Variants in VWA5B1 observed in about 807,000 individuals in gnomAD.
VWA5B1 encodes von Willebrand factor A domain-containing protein 5B1.
Under a neutral mutation model 118.2 loss-of-function variants are expected in VWA5B1, and 115 were observed. The ratio of observed to expected loss-of-function variants is 0.97; its 90% CI spans 0.84 to 1.14. The LOEUF (loss-of-function observed/expected upper bound fraction) is 1.14, where lower values mean the gene tolerates loss of function less well. Ranked by LOEUF, VWA5B1 falls within the 50% of genes most tolerant of loss-of-function variation. The pLI, the probability that VWA5B1 is intolerant of heterozygous loss-of-function variation, is 0.00. For missense variants in VWA5B1, 1,596 were observed against 1,603.8 expected, an observed-to-expected ratio of 1.00 and a Z score of 0.08; for synonymous variants, 682 against 658.4, an observed-to-expected ratio of 1.04 and a Z score of -0.55.
chr1:20,328,751 A>G (rs1310546799), intron 9 of VWA5B1, among the ~76,000 whole-genome samples: 6 of 152,210 alleles, frequency 3.9e-5, no homozygotes, highest in East Asian at 3.8e-4. Context: ...TCTACAAACA[A>G]TGACAACAAC....
intron 1 of VWA5B1, among the ~76,000 whole-genome samples, chr1:20,295,838 CTG>C (rs1163289502): frequency 6.6e-6 from 1 of 152,164 alleles, no homozygotes; most frequent in African/African-American, 2.4e-5. Flanking sequence ...TAATCATTAT[CTG>C]TGACCCCATA....
At chr1:20,346,610 A>T (rs940395562) in intron 17 of VWA5B1, among the ~76,000 whole-genome samples, 1 of 152,184 alleles carries the variant, frequency 6.6e-6, no homozygotes, top group African/African-American at 2.4e-5. Context: ...ACCATCCCAC[A>T]GGTTATTCAA....
intron 17 of VWA5B1, among the ~76,000 whole-genome samples, chr1:20,347,663 A>C (rs550320281): frequency 6.6e-6 from 1 of 151,768 alleles, no homozygotes; most frequent in South Asian, 2.1e-4. Flanking sequence ...GGGCCTCGCT[A>C]TGTTACCCAG....
chr1:20,358,429 G>A lies in VWA5B1; in HGVS notation c.*4166G>A, dbSNP rs894563790. 2.0e-5 allele frequency among the ~76,000 whole-genome samples: 3 copies of A among 152,180 alleles called. No individual in the cohort carries two copies. The highest frequency in any genetic ancestry group is 6.5e-5 in the Admixed American group (1 of 15,276). On this transcript the variant is annotated 3_prime_UTR_variant, in exon 22 of 22. Transcript: ENST00000289815. ...TGTTCCCCTTCTCTCTTCCTTGGCA[G>A]GGACTCCCCATGAGAGGGAAGGAGG...
In VWA5B1 at chr1:20,357,754, A is replaced by G. The variant is rs1268986746; in HGVS notation, c.*3491A>G. ...TCACTGGCCCTAGAATGGTCCTGCC[A>G]TCTGTGGGTGTGGCCTCGTATTAGC... On this transcript the variant is annotated 3_prime_UTR_variant, in exon 22 of 22. Transcript: ENST00000289815. 1.3e-5 allele frequency among the ~76,000 whole-genome samples: 2 copies of G among 152,200 alleles called. No homozygotes were observed. The highest frequency in any genetic ancestry group is 4.8e-5 in the African/African-American group (2 of 41,454).
intron 1 of VWA5B1, among the ~76,000 whole-genome samples, chr1:20,300,273 A>T (rs1322173505): frequency 6.6e-6 from 1 of 152,100 alleles, no homozygotes; most frequent in African/African-American, 2.4e-5. Flanking sequence ...GATCCCTTCA[A>T]CTGGGCGGGG....
chr1:20,326,137 T>C (rs1318041595), intron 8 of VWA5B1, among the ~76,000 whole-genome samples: 2 of 152,240 alleles, frequency 1.3e-5, no homozygotes, highest in Non-Finnish European at 2.9e-5. Context: ...CATTGACTTC[T>C]TTTGTAGAGA....
chr1:20,313,947 T>A (rs998807096), intron 3 of VWA5B1, among the ~76,000 whole-genome samples: 13 of 152,078 alleles, frequency 8.5e-5, no homozygotes, highest in Middle Eastern at 3.4e-3. Flanking sequence ...TAATTAGGGA[T>A]GAAGGAATAG....
chr1:20,294,748 C>G (rs984285297), intron 1 of VWA5B1, among the ~76,000 whole-genome samples: 14 of 152,106 alleles, frequency 9.2e-5, no homozygotes, highest in Non-Finnish European at 2.9e-5. Context: ...CACCACCACG[C>G]CAGGCTAATT....
chr1:20,292,140 CTCTT>C (rs1387359182), intron 1 of VWA5B1, among the ~76,000 whole-genome samples: 1 of 151,090 alleles, frequency 6.6e-6, no homozygotes, highest in African/African-American at 2.4e-5. Context: ...TTCTTTCCCT[CTCTT>C]TCTTTCTCTC....
chr1:20,345,730 A>G, intron 17 of VWA5B1, 137 bp downstream of exon 17: 2 of 1,306,138 alleles, frequency 1.5e-6, no homozygotes, highest in Non-Finnish European at 2.0e-6. Flanking sequence ...AAAGGCCCCC[A>G]GTGGATGATT....
At chr1:20,304,206 T>A (rs757574095) in intron 1 of VWA5B1, among the ~76,000 whole-genome samples, 2 of 152,006 alleles carry the variant, frequency 1.3e-5, no homozygotes, top group Non-Finnish European at 2.9e-5. Flanking sequence ...ATGTGGGGTG[T>A]GATAGACAAG....
chr1:20,308,637 T>C (rs10753496), intron 1 of VWA5B1, among the ~76,000 whole-genome samples: 74,539 of 151,984 alleles, frequency 0.49, 19,646 homozygotes, highest in African/African-American at 0.69. Context: ...GAGAGAAGGC[T>C]ACTTGGGGAG....
chr1:20,328,488 G>A (rs984883322), intron 9 of VWA5B1, among the ~76,000 whole-genome samples: 15 of 152,100 alleles, frequency 9.9e-5, no homozygotes, highest in Admixed American at 3.3e-4. Flanking sequence ...CCCCAGCAGC[G>A]TGTTCAAAAT....
chr1:20,343,965 A>C (rs1570213360), intron 16 of VWA5B1, among the ~76,000 whole-genome samples: 2 of 59,424 alleles, frequency 3.4e-5, no homozygotes, highest in Non-Finnish European at 3.3e-5. Context: ...AGCCCCCTTC[A>C]TCTCCCCACA....
chr1:20,328,082 TA>T (rs1397638319), intron 9 of VWA5B1, 82 bp downstream of exon 9: 1 of 1,361,774 alleles, frequency 7.3e-7, no homozygotes, highest in Admixed American at 2.0e-5. Context: ...AAAAAATAGT[TA>T]AAACCCTAGT....
At chr1:20,348,471 T>G in intron 18 of VWA5B1, 113 bp downstream of exon 18, 1 of 1,167,690 alleles carries the variant, frequency 8.6e-7, no homozygotes, top group South Asian at 1.3e-5. Context: ...GAGTCTGCAC[T>G]GTGGGCTTAG....
intron 1 of VWA5B1, among the ~76,000 whole-genome samples, chr1:20,308,488 G>A (rs143108663): frequency 1.6e-3 from 241 of 152,260 alleles, no homozygotes; most frequent in African/African-American, 5.5e-3. Context: ...GGGACTGGGC[G>A]GGGAGTGAAC....
intron 2 of VWA5B1, among the ~76,000 whole-genome samples, chr1:20,311,145 GC>G (rs2088837057): frequency 1.3e-5 from 2 of 152,148 alleles, no homozygotes; most frequent in African/African-American, 4.8e-5. Context: ...ACTAATTTTT[GC>G]ATTTTTTGTA....
Sources: allele counts gnomAD v4.1 joint callset (sites outside exome capture counted in the v4.1 genomes callset), GRCh38; gene constraint gnomAD v4.1.1; transcripts MANE v1.5; gene names NCBI Gene and HGNC (gene_info 2026-07-23, HGNC 2026-07-21).